Variants in IQSEC1 observed in about 807,000 individuals in gnomAD.
IQSEC1 encodes the protein IQ motif and Sec7 domain ArfGEF 1.
In IQSEC1, 31 loss-of-function variants were observed where a neutral mutation model predicts 91.0. The observed-to-expected ratio is 0.34, with a 90% confidence interval of 0.26 to 0.46. The LOEUF (loss-of-function observed/expected upper bound fraction) is 0.46. IQSEC1 is among the 20% of genes least tolerant of loss of function. The pLI, the probability that IQSEC1 is intolerant of heterozygous loss-of-function variation, is 1.00. For missense variants in IQSEC1, 1,388 were observed against 1,575.6 expected, an observed-to-expected ratio of 0.88 and a Z score of 2.02; for synonymous variants, 699 against 662.6, an observed-to-expected ratio of 1.05 and a Z score of -0.84.
chr3:13,112,636 C>T (rs997295512), intron 2 of IQSEC1, among the ~76,000 whole-genome samples: 2 of 152,262 alleles, frequency 1.3e-5, no homozygotes, highest in African/African-American at 2.4e-5. Flanking sequence ...GCAGGAGCCT[C>T]GCACAGACAG....
Position 12,902,785 on chromosome 3 carries a change from C to G in IQSEC1, c.2793G>C (p.Glu931Asp), listed in dbSNP as rs1166043335. 2 of 1,609,008 alleles carry G rather than the reference C, an allele frequency of 1.2e-6. No individual in the cohort carries two copies. The highest frequency in any genetic ancestry group is 1.7e-6 in the Non-Finnish European group (2 of 1,176,940). Residue 931 changes from glutamate (E) to aspartate (D), a missense_variant, in exon 13 of 14, where the codon GAG becomes GAC. Physicochemically the swap from Glu to Asp is conservative, Grantham distance 45. Coordinates refer to ENST00000613206, the MANE Select transcript of IQSEC1 (RefSeq NM_001134382.3). ...GCTTCCTACTTACTTCCACATTGCT[C>G]TCTAGCGATCCCGCACTGCTGCGAC... is the stretch of plus-strand genomic sequence containing the variant. ...RGRRSSAGSL[E>D]SNVEGSIISS...
intron 1 of IQSEC1, among the ~76,000 whole-genome samples, chr3:12,987,979 G>A (rs907699283): frequency 1.3e-5 from 2 of 152,220 alleles, no homozygotes; most frequent in Admixed American, 1.3e-4. Context: ...CAGCCAGTAT[G>A]TGCCCCAGAG....
At chr3:13,200,408 C>G (rs1694223090) in intron 1 of IQSEC1, among the ~76,000 whole-genome samples, 1 of 152,232 alleles carries the variant, frequency 6.6e-6, no homozygotes, top group Non-Finnish European at 1.5e-5. Context: ...TGAGCGGCCT[C>G]TCCAGACTCA....
rs74823391 is a variant in IQSEC1, at chr3:13,247,615, G to A, written c.272+35096C>T. Reference sequence around the variant, plus strand: ...CATAATTTTCACTCCATGAGCCTTCGCCCTACAGTTAGGGGCATCAGAATC... The same window carrying A: ...CATAATTTTCACTCCATGAGCCTTCACCCTACAGTTAGGGGCATCAGAATC... On this transcript the variant is annotated intron_variant, in intron 1 of 15. Coordinates refer to the IQSEC1 transcript ENST00000648114. Among the ~76,000 whole-genome samples, 800 of 152,290 alleles carry A rather than the reference G, an allele frequency of 5.3e-3. 10 individuals are homozygous for A. Among genetic ancestry groups the A allele is most frequent in the African/African-American group, 0.018 (753 of 41,554 alleles).
intron 2 of IQSEC1, among the ~76,000 whole-genome samples, chr3:13,107,997 C>A (rs1233722379): frequency 1.3e-5 from 2 of 151,570 alleles, no homozygotes; most frequent in Admixed American, 1.3e-4. Context: ...TATCTTATGG[C>A]TATTTACACC....
chr3:13,072,911 G>A (rs1705484356), intron 1 of IQSEC1, 81 bp downstream of exon 1: 1 of 1,285,970 alleles, frequency 7.8e-7, no homozygotes, highest in Non-Finnish European at 1.1e-6. Flanking sequence ...CTCCCCCAAC[G>A]ATGCCCCTCA....
At position 13,172,830 on chromosome 3, in the gene IQSEC1, G is replaced by A. The variant is rs146170759; in HGVS notation, c.273-8697C>T. Among the ~76,000 whole-genome samples, 495 of 152,234 alleles carry A rather than the reference G, an allele frequency of 3.3e-3. 2 individuals are homozygous for A. The highest frequency in any genetic ancestry group is 0.011 in the African/African-American group (471 of 41,538). On this transcript the variant is annotated intron_variant, in intron 1 of 15. Coordinates refer to the IQSEC1 transcript ENST00000648114. Reference sequence around the variant, plus strand: ...GTGAGCTCTGCCGCCTCCCAGCCACGTGCCTCTGGGGAGGCCCCTTCACAT... The same window carrying A: ...GTGAGCTCTGCCGCCTCCCAGCCACATGCCTCTGGGGAGGCCCCTTCACAT...
chr3:13,113,585 G>T (rs941546289), intron 2 of IQSEC1, among the ~76,000 whole-genome samples: 4 of 149,122 alleles, frequency 2.7e-5, no homozygotes, highest in Non-Finnish European at 6.0e-5. Flanking sequence ...GGTGGGGCGC[G>T]GAGAGAAGAC....
intron 1 of IQSEC1, among the ~76,000 whole-genome samples, chr3:13,000,440 G>T (rs147931007): frequency 5.3e-4 from 81 of 152,252 alleles, no homozygotes; most frequent in South Asian, 1.5e-3. Context: ...AGACAGTGGG[G>T]CCAGGTACAG....
At chr3:12,925,064 G>A (rs975834679) in intron 3 of IQSEC1, among the ~76,000 whole-genome samples, 2 of 152,144 alleles carry the variant, frequency 1.3e-5, no homozygotes. Context: ...GGCTGCAGGG[G>A]TGCTTCTGTG....
At chr3:13,026,232 A>G (rs1471609983) in intron 1 of IQSEC1, among the ~76,000 whole-genome samples, 2 of 152,138 alleles carry the variant, frequency 1.3e-5, no homozygotes, top group Admixed American at 1.3e-4. Flanking sequence ...CTGGTTCATG[A>G]AACTGTTCTC....
chr3:13,234,498 C>A (rs1355229747), intron 1 of IQSEC1, among the ~76,000 whole-genome samples: 1 of 152,214 alleles, frequency 6.6e-6, no homozygotes, highest in African/African-American at 2.4e-5. Flanking sequence ...CCCCTCCCTT[C>A]CCTGAAACAC....
At chr3:13,015,356 G>A (rs1327725706) in intron 1 of IQSEC1, among the ~76,000 whole-genome samples, 3 of 152,146 alleles carry the variant, frequency 2.0e-5, no homozygotes, top group East Asian at 3.9e-4. Context: ...TTCCCCTTGC[G>A]GCTGTGGGGA....
chr3:13,173,200 A>G (rs1368587231), intron 1 of IQSEC1, among the ~76,000 whole-genome samples: 1 of 152,208 alleles, frequency 6.6e-6, no homozygotes, highest in Admixed American at 6.5e-5. Flanking sequence ...TCACCTTGAC[A>G]CAAAACCACA....
chr3:12,922,120 C>A lies in IQSEC1; in HGVS notation c.1853G>T (p.Ser618Ile). The part of the protein sequence containing the change: ...QKVERLIEAF[S>I]QRYCICNPGV... The stretch of plus-strand genomic sequence containing the variant: ...CAGCCCCAGCCAGCCCGGGCCCCAC[C>A]TGAACGCCTCTATGAGCCGCTCCAC... Residue 618 changes from serine to isoleucine, a missense_variant and splice_region_variant, in exon 5 of 14, where the codon AGC (serine) becomes ATC (isoleucine). Around this residue, in one of 2 missense-constraint regions of IQSEC1, gnomAD observed 1,059 missense variants for 1,317.8 expected, o/e 0.80. Coordinates refer to ENST00000613206, the MANE Select transcript of IQSEC1 (RefSeq NM_001134382.3). This position sits in a 1 kb window ranked among gnomAD's most constrained non-coding sequence, Gnocchi z 5.1. The A allele has an allele frequency of 6.3e-7, 1 of 1,593,442 alleles. No homozygotes were observed. The highest frequency in any genetic ancestry group is 8.6e-7 in the Non-Finnish European group (1 of 1,166,350).
At chr3:13,051,581 C>T (rs193063137) in intron 1 of IQSEC1, among the ~76,000 whole-genome samples, 51 of 152,252 alleles carry the variant, frequency 3.3e-4, no homozygotes, top group African/African-American at 1.1e-3. Context: ...ATGAATTGTG[C>T]ACTTTTCTGT....
intron 1 of IQSEC1, among the ~76,000 whole-genome samples, chr3:12,980,890 G>A (rs1701417975): frequency 6.6e-6 from 1 of 152,194 alleles, no homozygotes; most frequent in Non-Finnish European, 1.5e-5. Flanking sequence ...TGACAACCAT[G>A]GCTGTCTTAG....
intron 1 of IQSEC1, among the ~76,000 whole-genome samples, chr3:13,034,988 C>G (rs901189964): frequency 1.3e-5 from 2 of 152,258 alleles, no homozygotes. Flanking sequence ...CCCATGGAAG[C>G]CCAGTGGTCC....
intron 1 of IQSEC1, among the ~76,000 whole-genome samples, chr3:13,055,396 T>A (rs1704838363): frequency 6.6e-6 from 1 of 152,182 alleles, no homozygotes; most frequent in Non-Finnish European, 1.5e-5. Flanking sequence ...CAGGCCACTT[T>A]GAAATGATGC....
Sources: gnomAD v4.1 joint callset for allele counts (sites outside exome capture counted in the v4.1 genomes callset) on GRCh38, gnomAD v4.1.1 for gene constraint, gnomAD v4.1.1 regional missense constraint, Gnocchi (gnomAD v3.1) non-coding constraint, MANE v1.5 for transcripts, NCBI Gene and HGNC (gene_info 2026-07-23, HGNC 2026-07-21) for gene names.